The following ZPBP variants were observed in gnomAD, a reference collection of about 807,000 sequenced individuals.
The protein encoded by ZPBP is zona pellucida-binding protein 1.
In ZPBP, 26 loss-of-function variants were observed where a neutral mutation model predicts 44.8. The observed-to-expected ratio is 0.58, with a 90% CI of 0.43 to 0.81. The LOEUF (loss-of-function observed/expected upper bound fraction) is 0.81. ZPBP is among the 30% of genes least tolerant of loss of function. The pLI is 0.00. For missense variants in ZPBP, 409 were observed against 434.0 expected (o/e 0.94, Z 0.51); for synonymous variants, 174 against 153.2 (o/e 1.14, Z -1.00).
chr7:50,053,236 T>C (rs926227657), intron 4 of ZPBP, among the ~76,000 whole-genome samples: 2 of 152,194 alleles, frequency 1.3e-5, no homozygotes, highest in Non-Finnish European at 2.9e-5. Context: ...TATGTTAATC[T>C]ACATTTATCT....
chr7:50,018,097 T>TAAGATA (rs1237878275), intron 6 of ZPBP, 143 bp downstream of exon 6: 75 of 634,114 alleles, frequency 1.2e-4, no homozygotes, highest in Middle Eastern at 7.5e-4. Context: ...TATCTTTTAT[T>TAAGATA]AGTGGGTAAA....
chr7:49,985,209 AT>A (rs1797207704), intron 6 of ZPBP, among the ~76,000 whole-genome samples: 1 of 152,176 alleles, frequency 6.6e-6, no homozygotes. Flanking sequence ...CTTTGTTTTT[AT>A]TACTCTTTCT....
chr7:49,883,469 T>C (rs1223298613), intron 2 of ZPBP, among the ~76,000 whole-genome samples: 1 of 152,204 alleles, frequency 6.6e-6, no homozygotes, highest in Non-Finnish European at 1.5e-5. Context: ...TCCATGGCAT[T>C]AGATTTAAAC....
chr7:49,907,126 A>G (rs1288717483), intron 1 of ZPBP, among the ~76,000 whole-genome samples: 1 of 152,206 alleles, frequency 6.6e-6, no homozygotes, highest in Non-Finnish European at 1.5e-5. Flanking sequence ...AAAGCAAAGT[A>G]CACAGCATTA....
At chr7:50,082,040 T>G (rs1408194900) in intron 2 of ZPBP, 141 bp from the exon 3 acceptor site, 1 of 857,550 alleles carries the variant, frequency 1.2e-6, no homozygotes, top group African/African-American at 1.7e-5. Context: ...AAAAACTAAA[T>G]TTCATTGCAT....
chr7:49,981,630 T>TATAATTATATAA lies in ZPBP; in HGVS notation c.961+1711_961+1712insTTATATAATTAT, dbSNP rs1350451565. On this transcript the variant is annotated intron_variant, in intron 7 of 7. Transcript: ENST00000046087. ...TATATAATTATATTATATTATATTA[T>TATAATTATATAA]ATTATATATTATATAATATCTTGAT... Among the ~76,000 whole-genome samples the TATAATTATATAA allele has an allele frequency of 2.2e-4, 10 of 45,950 alleles. 2 individuals carry two copies. The highest frequency in any genetic ancestry group is 4.4e-4 in the African/African-American group (3 of 6,758). 30.1% of individuals were successfully genotyped at this position (45,950 alleles called of 152,430 possible). A position where few individuals can be genotyped will look rare whatever the true frequency, so the allele number is the denominator to read the frequency against.
chr7:50,016,167 C>T (rs1798808699), intron 6 of ZPBP, among the ~76,000 whole-genome samples: 1 of 152,102 alleles, frequency 6.6e-6, no homozygotes, highest in South Asian at 2.1e-4. Context: ...ACCTAGATGC[C>T]CACCAATGGT....
chr7:49,940,073 C>A (rs776837887), intron 7 of ZPBP, among the ~76,000 whole-genome samples: 7 of 152,128 alleles, frequency 4.6e-5, no homozygotes, highest in Admixed American at 2.6e-4. Context: ...AAGTTTGAAT[C>A]CCTCCTTTTC....
At chr7:49,910,595 A>G (rs1793354203) in intron 1 of ZPBP, among the ~76,000 whole-genome samples, 1 of 80,698 alleles carries the variant, frequency 1.2e-5, no homozygotes, top group African/African-American at 5.2e-5. Flanking sequence ...ACACAAAGCC[A>G]TTAATCTTTT....
In ZPBP at chr7:49,905,531, T is replaced by C. The variant is rs1793037981; in HGVS notation, n.412-4316A>G. On this transcript the variant is annotated intron_variant and non_coding_transcript_variant, in intron 1 of 2. Coordinates refer to the ZPBP transcript ENST00000465922. Reference sequence around the variant, plus strand: ...ATTTTAATGTGAGGTAAACCTTGATTTCTATCATTTAAAAAAGAGTTTTAT... The same window carrying C: ...ATTTTAATGTGAGGTAAACCTTGATCTCTATCATTTAAAAAAGAGTTTTAT... Among the ~76,000 whole-genome samples the C allele has an allele frequency of 2.0e-5, 3 of 152,374 alleles. 1 individual carries two copies. In the South Asian group the frequency reaches 6.2e-4, roughly 32 times the overall value.
chr7:49,946,646 G>C (rs1479141244), intron 7 of ZPBP, among the ~76,000 whole-genome samples: 3 of 152,046 alleles, frequency 2.0e-5, no homozygotes, highest in African/African-American at 4.8e-5. Flanking sequence ...TGACCTTTGG[G>C]AGGTTGACTA....
At chr7:49,886,818 T>C (rs191798837) in intron 2 of ZPBP, among the ~76,000 whole-genome samples, 56 of 152,378 alleles carry the variant, frequency 3.7e-4, no homozygotes, top group Admixed American at 3.4e-3. Context: ...GGTGCTCCTC[T>C]GCTTTTAATC....
chr7:49,927,551 A>G (rs1037289537), intron 1 of ZPBP, among the ~76,000 whole-genome samples: 4 of 152,274 alleles, frequency 2.6e-5, no homozygotes, highest in African/African-American at 9.6e-5. Flanking sequence ...CCTCCTTACA[A>G]TATTCACAAA....
At chr7:49,958,677 T>C (rs916172397) in intron 7 of ZPBP, among the ~76,000 whole-genome samples, 1 of 152,224 alleles carries the variant, frequency 6.6e-6, no homozygotes, top group Non-Finnish European at 1.5e-5. Flanking sequence ...GTCTGTGGTA[T>C]TCTGTTTTAT....
intron 6 of ZPBP, among the ~76,000 whole-genome samples, chr7:49,993,800 C>T (rs1212512534): frequency 6.6e-6 from 1 of 152,136 alleles, no homozygotes; most frequent in Non-Finnish European, 1.5e-5. Context: ...TATTGCTGAA[C>T]CCATGCATAA....
intron 7 of ZPBP, among the ~76,000 whole-genome samples, chr7:49,956,744 C>A (rs1185574412): frequency 1.2e-4 from 19 of 152,040 alleles, no homozygotes. Flanking sequence ...AAGTTTAATA[C>A]AATTGCTATC....
At chr7:50,023,890 CT>C (rs1799205751) in intron 5 of ZPBP, among the ~76,000 whole-genome samples, 1 of 151,390 alleles carries the variant, frequency 6.6e-6, no homozygotes, top group East Asian at 1.9e-4. Flanking sequence ...ATCAGTGGGG[CT>C]GGGGGAAAGA....
intron 2 of ZPBP, among the ~76,000 whole-genome samples, chr7:49,867,079 T>G (rs951988952): frequency 6.6e-6 from 1 of 152,128 alleles, no homozygotes; most frequent in African/African-American, 2.4e-5. Context: ...GCTCAAGAAA[T>G]GTAAATAGCC....
At chr7:50,081,945 T>C (rs746010591) in intron 2 of ZPBP, 46 bp from the exon 3 acceptor site, 1 of 1,595,594 alleles carries the variant, frequency 6.3e-7, no homozygotes, top group South Asian at 1.1e-5. Context: ...TTTATCTTCT[T>C]TTCTTTCTCT....
Sources: gnomAD v4.1 joint callset for allele counts (sites outside exome capture counted in the v4.1 genomes callset) on GRCh38, gnomAD v4.1.1 for gene constraint, MANE v1.5 for transcripts, NCBI Gene and HGNC (gene_info 2026-07-23, HGNC 2026-07-21) for gene names.